Variants in SIRT1 observed in about 807,000 individuals in gnomAD.
The protein encoded by SIRT1 is NAD-dependent protein deacetylase sirtuin-1.
A neutral mutation model predicts 67.9 loss-of-function variants in SIRT1; 24 were observed. That is an observed-to-expected ratio of 0.35 (90% CI 0.26 to 0.50). SIRT1 has a LOEUF of 0.50. Ranked by LOEUF, SIRT1 falls within the 20% of genes least tolerant of loss-of-function variation. SIRT1 has a pLI of 0.98. For missense variants in SIRT1, 873 were observed against 937.2 expected, an observed-to-expected ratio of 0.93 and a Z score of 0.89; for synonymous variants, 378 against 350.7, an observed-to-expected ratio of 1.08 and a Z score of -0.87.
chr10:67,887,368 T>C, intron 1 of SIRT1, 49 bp from the exon 2 acceptor site: 1 of 1,142,352 alleles, frequency 8.8e-7, no homozygotes. Flanking sequence ...TCATACATTT[T>C]AGGTGCATGT....
chr10:67,893,639 A>C (rs886854509), intron 4 of SIRT1, among the ~76,000 whole-genome samples: 2 of 148,992 alleles, frequency 1.3e-5, no homozygotes, highest in African/African-American at 5.0e-5. Context: ...CCACTTCCCG[A>C]GTTCAAGAGA....
Position 67,909,278 on chromosome 10 carries a change from G to T in SIRT1, c.1193G>T (p.Cys398Phe). The change falls in exon 7 of 9, where the codon TGC becomes TTC. Residue 398 changes from cysteine to phenylalanine, a missense_variant. By Grantham distance (205) the Cys-to-Phe change is radical. Around this residue, in one of 3 missense-constraint regions of SIRT1, gnomAD observed 251 missense variants for 358.8 expected, o/e 0.70. Coordinates refer to ENST00000212015, the MANE Select transcript of SIRT1 (RefSeq NM_012238.5). ...TAGGTAGTTCCTCGATGTCCTAGGTGCCCAGCTGATGAACCGCTTGCTATC... is the reference window on the plus strand; with the variant it reads ...TAGGTAGTTCCTCGATGTCCTAGGTTCCCAGCTGATGAACCGCTTGCTATC... ...FNQVVPRCPR[C>F]PADEPLAIMK... The T allele has an allele frequency of 6.2e-7, 1 of 1,608,446 alleles. No homozygotes were observed. Among genetic ancestry groups the T allele is most frequent in the Non-Finnish European group, 8.5e-7 (1 of 1,177,914 alleles).
At chr10:67,906,382 G>A (rs1399453649) in intron 4 of SIRT1, 12 of 1,300,150 alleles carry the variant, frequency 9.2e-6, no homozygotes, top group South Asian at 5.9e-5. Context: ...TGTATTGACA[G>A]TGCTTTTTTT....
chr10:67,892,945 G>A (rs1842596527), intron 4 of SIRT1, among the ~76,000 whole-genome samples: 1 of 152,150 alleles, frequency 6.6e-6, no homozygotes, highest in Non-Finnish European at 1.5e-5. Context: ...AAAGTTATAT[G>A]TATGTCTCAC....
rs374792847 is a variant in SIRT1 at position 67,890,726 on chromosome 10, G to A, written c.790-676G>A. Among the ~76,000 whole-genome samples the A allele has an allele frequency of 2.0e-5, 3 of 148,250 alleles. No homozygotes were observed. In the East Asian group the frequency reaches 6.1e-4, roughly 30 times the overall value. ...CCAGCCTGGGCGTCAGAGCGAAACT[G>A]TCTAAAAAGAAAAAAAACAAAAAGC... is the stretch of plus-strand genomic sequence containing the variant. On this transcript the variant is annotated intron_variant, in intron 3 of 8. Transcript: ENST00000212015.
intron 4 of SIRT1, among the ~76,000 whole-genome samples, chr10:67,893,972 G>A (rs191188129): frequency 2.4e-4 from 36 of 152,152 alleles, no homozygotes; most frequent in African/African-American, 8.7e-4. Context: ...ATTGGCGACT[G>A]TCTTTAAAAA....
At chr10:67,887,349 T>C in intron 1 of SIRT1, 68 bp from the exon 2 acceptor site, 1 of 973,452 alleles carries the variant, frequency 1.0e-6, no homozygotes, top group South Asian at 1.3e-5. Context: ...ATGATTGCTC[T>C]ATAACCGTTC....
chr10:67,885,025 G>A lies in SIRT1; in HGVS notation c.304G>A (p.Asp102Asn), dbSNP rs1390008266. ...AQATAAAGEG[D>N]NGPGLQGPSR... ...GGCGACTGCGGCGGCTGGGGAAGGA[G>A]ACAATGGGCCGGGCCTGCAGGGCCC... Residue 102 changes from aspartate (D) to asparagine (N), a missense_variant, in exon 1 of 9, where the codon GAC (aspartate) becomes AAC (asparagine). This residue lies in a region of SIRT1 where 327 missense variants were observed against 283.9 expected (regional missense o/e 1.15). Transcript: ENST00000212015. The A allele has an allele frequency of 2.2e-6, 3 of 1,348,332 alleles. No individual in the cohort carries two copies. Among genetic ancestry groups the A allele is most frequent in the Non-Finnish European group, 2.9e-6 (3 of 1,040,612 alleles). The allele number at this position is 1,348,332 out of a possible 1,614,324, so 83.5% of individuals were successfully genotyped here.
intron 4 of SIRT1, among the ~76,000 whole-genome samples, chr10:67,892,132 G>A (rs775680385): frequency 6.6e-6 from 1 of 152,076 alleles, no homozygotes; most frequent in African/African-American, 2.4e-5. Flanking sequence ...AGACATATTG[G>A]ATTTTAGAGA....
intron 4 of SIRT1, among the ~76,000 whole-genome samples, chr10:67,898,382 G>A (rs886753477): frequency 6.6e-6 from 1 of 152,020 alleles, no homozygotes; most frequent in African/African-American, 2.4e-5. Context: ...AGAAAAGGTA[G>A]AGGGAGAAAC....
intron 8 of SIRT1, among the ~76,000 whole-genome samples, chr10:67,914,601 A>G (rs1245513321): frequency 2.0e-5 from 3 of 152,226 alleles, no homozygotes; most frequent in Admixed American, 6.5e-5. Context: ...CCTATGCACT[A>G]AGACTTGCAC....
intron 4 of SIRT1, among the ~76,000 whole-genome samples, chr10:67,904,540 C>A (rs921107747): frequency 6.6e-6 from 1 of 152,130 alleles, no homozygotes; most frequent in East Asian, 1.9e-4. Context: ...CATTCAGATT[C>A]TCACATATGT....
At chr10:67,906,753 A>G in intron 4 of SIRT1, 37 bp from the exon 5 acceptor site, 2 of 1,592,868 alleles carry the variant, frequency 1.3e-6, no homozygotes, top group Non-Finnish European at 1.7e-6. Flanking sequence ...AGTTTATTTC[A>G]CTAATGTAAA....
chr10:67,890,813 G>A (rs34961023), intron 3 of SIRT1, among the ~76,000 whole-genome samples: 1,759 of 152,086 alleles, frequency 0.012, 25 homozygotes, highest in African/African-American at 0.04. Flanking sequence ...TGCGGATCAC[G>A]AGGTTAGGAG....
chr10:67,907,954 C>T (rs1296781844), intron 5 of SIRT1, 92 bp from the exon 6 acceptor site: 4 of 1,079,766 alleles, frequency 3.7e-6, no homozygotes, highest in Non-Finnish European at 5.4e-6. Context: ...ACCCTCTTAA[C>T]ATTTGTGATG....
At chr10:67,901,011 G>GAAATGT (rs1842736894) in intron 4 of SIRT1, among the ~76,000 whole-genome samples, 1 of 152,156 alleles carries the variant, frequency 6.6e-6, no homozygotes, top group Non-Finnish European at 1.5e-5. Flanking sequence ...TGAGCAAACT[G>GAAATGT]AAATGTACTT....
Position 67,916,250 on chromosome 10 carries a change from A to G in SIRT1, c.1916-15A>G. 1.3e-6 allele frequency: 2 copies of G among 1,582,278 alleles called. No individual in the cohort carries two copies. Among genetic ancestry groups the G allele is most frequent in the Non-Finnish European group, 1.7e-6 (2 of 1,157,922 alleles). On this transcript the variant is annotated splice_polypyrimidine_tract_variant and intron_variant, in intron 8 of 8. Coordinates refer to ENST00000212015, the MANE Select transcript of SIRT1 (RefSeq NM_012238.5). ...TTAGAAAACTGAAAGTAACATTTTT[A>G]TTACTGTATTTCAGGTAATCAGTAT... is the stretch of plus-strand genomic sequence containing the variant.
chr10:67,888,458 T>G (rs1168843257), intron 2 of SIRT1, among the ~76,000 whole-genome samples: 1 of 152,196 alleles, frequency 6.6e-6, no homozygotes, highest in African/African-American at 2.4e-5. Context: ...GGAAAAAAAT[T>G]AAGATGGCAG....
rs1473023822 is a variant in SIRT1 at position 67,902,727 on chromosome 10, A to G, written c.943-4063A>G. On this transcript the variant is annotated intron_variant, in intron 4 of 8. Transcript: ENST00000212015. ...AACTGCCTCCATCTGAACTATATAT[A>G]GGAGGGGGTGGATATCAGCAAAGAT... Among the ~76,000 whole-genome samples the G allele has an allele frequency of 2.6e-5, 4 of 152,186 alleles. No homozygotes were observed. In the East Asian group the frequency reaches 5.8e-4, roughly 22 times the overall value.
Sources: allele counts gnomAD v4.1 joint callset (sites outside exome capture counted in the v4.1 genomes callset), GRCh38; gene constraint gnomAD v4.1.1; regional missense constraint gnomAD v4.1.1; transcripts MANE v1.5; gene names NCBI Gene and HGNC (gene_info 2026-07-23, HGNC 2026-07-21).